Variants in SLC27A2 observed in about 807,000 individuals in gnomAD.
The protein encoded by SLC27A2 is long-chain fatty acid transport protein 2.
Under a neutral mutation model 60.0 loss-of-function variants are expected in SLC27A2, and 54 were observed. The ratio of observed to expected loss-of-function variants is 0.90; its 90% CI spans 0.72 to 1.13. The LOEUF is 1.13. Among genes scored for constraint, SLC27A2 ranks in the 50% most tolerant of loss-of-function variants. SLC27A2 has a pLI of 0.00. For missense variants in SLC27A2, 739 were observed against 777.6 expected (o/e 0.95, Z 0.59); for synonymous variants, 297 against 297.6 (o/e 1.00, Z 0.02).
At position 50,226,922 on chromosome 15, in the gene SLC27A2, G is replaced by A. The variant is rs974576959; in HGVS notation, c.1259-58G>A. The A allele has an allele frequency of 2.7e-5, 39 of 1,422,140 alleles. No individual in the cohort carries two copies. In the East Asian group the frequency reaches 8.8e-4, roughly 32 times the overall value. The allele number at this position is 1,422,140 out of a possible 1,614,324, so 88.1% of individuals were successfully genotyped here. On this transcript the variant is annotated intron_variant, in intron 6 of 9. Coordinates refer to ENST00000267842, the MANE Select transcript of SLC27A2 (RefSeq NM_003645.4). ...TGTATGGCATTAGTTTTAAGAGAAG[G>A]TTGATGTATAAATTTGACCTCTAGC...
chr15:50,201,586 T>C (rs867890099), intron 2 of SLC27A2, among the ~76,000 whole-genome samples: 1 of 151,410 alleles, frequency 6.6e-6, no homozygotes, highest in Admixed American at 6.6e-5. Context: ...GATGGAGTCT[T>C]GCTCTGTCAC....
At chr15:50,203,345 A>C (rs115070492) in intron 3 of SLC27A2, among the ~76,000 whole-genome samples, 1 of 146,792 alleles carries the variant, frequency 6.8e-6, no homozygotes, top group South Asian at 2.3e-4. Flanking sequence ...TTTCAGCTCT[A>C]CTAGAAGGAG....
chr15:50,182,355 C>T lies in SLC27A2; in HGVS notation c.-73C>T. 6 of 1,400,928 alleles carry T rather than the reference C, an allele frequency of 4.3e-6. No individual in the cohort carries two copies. The highest frequency in any genetic ancestry group is 4.6e-6 in the Non-Finnish European group (5 of 1,079,440). The allele number at this position is 1,400,928 out of a possible 1,614,324, so 86.8% of individuals were successfully genotyped here. On this transcript the variant is annotated 5_prime_UTR_variant, in exon 1 of 10. Transcript: ENST00000267842. ...CGCAGCCCGCCAGTCCGCCCGGAGC[C>T]CGCCCAGTCGCCGCGCTGCACGCCC...
At chr15:50,224,126 G>A (rs28415278) in intron 5 of SLC27A2, among the ~76,000 whole-genome samples, 189 of 152,296 alleles carry the variant, frequency 1.2e-3, no homozygotes, top group African/African-American at 4.2e-3. Context: ...GCCCACACTC[G>A]ATAAGGGAAA....
At chr15:50,196,070 A>AAAAAT (rs2045016162) in intron 1 of SLC27A2, among the ~76,000 whole-genome samples, 1 of 23,484 alleles carries the variant, frequency 4.3e-5, no homozygotes, top group Non-Finnish European at 8.6e-5. Flanking sequence ...AAAAAAAAAA[A>AAAAAT]AAAAAAAATA....
At chr15:50,232,093 G>A (rs1414554000) in intron 8 of SLC27A2, among the ~76,000 whole-genome samples, 2 of 152,212 alleles carry the variant, frequency 1.3e-5, no homozygotes, top group African/African-American at 4.8e-5. Flanking sequence ...ATCCACAGAG[G>A]CCAGTCCCAT....
chr15:50,234,611 T>A (rs62020324), intron 9 of SLC27A2, among the ~76,000 whole-genome samples: 1 of 147,730 alleles, frequency 6.8e-6, no homozygotes, highest in African/African-American at 2.5e-5. Context: ...AAAAAAAAAT[T>A]AGCCAGGCAT....
chr15:50,233,201 T>A (rs1210887723), intron 8 of SLC27A2, among the ~76,000 whole-genome samples: 1 of 152,130 alleles, frequency 6.6e-6, no homozygotes, highest in African/African-American at 2.4e-5. Flanking sequence ...CTGTCCCACA[T>A]CCTCTCCAAA....
intron 5 of SLC27A2, among the ~76,000 whole-genome samples, chr15:50,224,585 C>T (rs2045266960): frequency 6.6e-6 from 1 of 152,160 alleles, no homozygotes; most frequent in Non-Finnish European, 1.5e-5. Context: ...TCAAGGTGTT[C>T]CCAAGTTCAA....
intron 5 of SLC27A2, 87 bp from the exon 6 acceptor site, chr15:50,225,901 C>T (rs554540599): frequency 2.8e-5 from 24 of 864,732 alleles, no homozygotes; most frequent in Middle Eastern, 3.4e-4. Context: ...TCAACCTGTA[C>T]GCCTAAGATA....
Position 50,236,266 on chromosome 15 carries a change from G to T in SLC27A2, c.*170G>T. The T allele has an allele frequency of 2.1e-6, 1 of 487,642 alleles. No individual in the cohort carries two copies. The highest frequency in any genetic ancestry group is 3.5e-6 in the Non-Finnish European group (1 of 284,542). 30.2% of individuals were successfully genotyped at this position (487,642 alleles called of 1,614,324 possible). On this transcript the variant is annotated 3_prime_UTR_variant, in exon 10 of 10. Transcript: ENST00000267842. The stretch of plus-strand genomic sequence containing the variant: ...ACAGTTGAGTCTTTGCAAGTAAAAA[G>T]ATTTAGAGATTATTATTTTTCAGTG...
intron 1 of SLC27A2, among the ~76,000 whole-genome samples, chr15:50,193,531 G>C (rs553408616): frequency 1.3e-5 from 2 of 152,316 alleles, no homozygotes; most frequent in South Asian, 2.1e-4. Context: ...CAGGAGGAAA[G>C]AAAGGAGATT....
At chr15:50,221,277 C>T (rs1337612439) in intron 4 of SLC27A2, among the ~76,000 whole-genome samples, 1 of 152,000 alleles carries the variant, frequency 6.6e-6, no homozygotes, top group Non-Finnish European at 1.5e-5. Context: ...GCTTCTCAGG[C>T]AGCTCCCCCA....
At chr15:50,232,372 G>C (rs963015231) in intron 8 of SLC27A2, among the ~76,000 whole-genome samples, 1 of 152,256 alleles carries the variant, frequency 6.6e-6, no homozygotes, top group African/African-American at 2.4e-5. Flanking sequence ...TTGAAATGTG[G>C]CTAGTGCAAC....
intron 1 of SLC27A2, among the ~76,000 whole-genome samples, chr15:50,197,018 A>G (rs530145819): frequency 1.3e-5 from 2 of 152,312 alleles, no homozygotes; most frequent in South Asian, 4.1e-4. Flanking sequence ...ATATTTAGAT[A>G]TACATCAGTT....
chr15:50,217,917 G>A (rs184582396), intron 4 of SLC27A2, among the ~76,000 whole-genome samples: 134 of 152,080 alleles, frequency 8.8e-4, no homozygotes, highest in African/African-American at 2.8e-3. Context: ...AGCTGGGCAC[G>A]GTGGTGGGCG....
Position 50,197,492 on chromosome 15 carries a change from A to T in SLC27A2, c.479-8A>T, listed in dbSNP as rs116299259. On this transcript the variant is annotated splice_region_variant and splice_polypyrimidine_tract_variant and intron_variant, in intron 1 of 9. Coordinates refer to ENST00000267842, the MANE Select transcript of SLC27A2 (RefSeq NM_003645.4). ...AGTTTGTTTTGATATTTTTCTTATT[A>T]AATTAAGAACTACAAGCAGCTGTCG... The T allele has an allele frequency of 1.8e-3, 2,855 of 1,597,960 alleles. 47 individuals carry two copies. The African/African-American group carries it at 0.034, about 19-fold the overall frequency.
intron 4 of SLC27A2, among the ~76,000 whole-genome samples, chr15:50,213,554 G>C (rs1233715062): frequency 6.6e-6 from 1 of 152,038 alleles, no homozygotes; most frequent in Admixed American, 6.6e-5. Context: ...TAGACCACAT[G>C]GTGGCCCATA....
At chr15:50,234,222 G>T (rs1160527918) in intron 9 of SLC27A2, among the ~76,000 whole-genome samples, 1 of 152,156 alleles carries the variant, frequency 6.6e-6, no homozygotes, top group South Asian at 2.1e-4. Flanking sequence ...GAGGTGGGAA[G>T]ATTGCTTGAG....
Sources: gnomAD v4.1 joint callset for allele counts (sites outside exome capture counted in the v4.1 genomes callset) on GRCh38, gnomAD v4.1.1 for gene constraint, MANE v1.5 for transcripts, NCBI Gene and HGNC (gene_info 2026-07-23, HGNC 2026-07-21) for gene names.